The following CUX1 variants were observed in gnomAD, a reference collection of about 807,000 sequenced individuals.
CUX1 encodes cut like homeobox 1.
Under a neutral mutation model 158.8 loss-of-function variants are expected in CUX1, and 31 were observed. The ratio of observed to expected loss-of-function variants is 0.20; its 90% confidence interval spans 0.15 to 0.26. The LOEUF is 0.26. CUX1 is among the 10% of genes least tolerant of loss of function. The probability of loss-of-function intolerance (pLI) is 1.00; values close to 1 mark genes in which losing one functional copy is unlikely to be tolerated. For missense variants in CUX1, 1,589 were observed against 2,014.6 expected (o/e 0.79, Z 4.04); for synonymous variants, 879 against 862.1 (o/e 1.02, Z -0.34).
intron 1 of CUX1, among the ~76,000 whole-genome samples, chr7:101,910,502 A>T (rs1225104302): frequency 6.6e-6 from 1 of 152,046 alleles, no homozygotes; most frequent in African/African-American, 2.4e-5. Context: ...TATGCCTGTA[A>T]TTCCGCACTT....
intron 2 of CUX1, among the ~76,000 whole-genome samples, chr7:101,966,425 C>A (rs943401311): frequency 1.3e-5 from 2 of 151,808 alleles, no homozygotes; most frequent in African/African-American, 4.8e-5. Context: ...ACAAGCCTGG[C>A]CGAGAGTTGA....
chr7:102,279,979 C>T (rs1199459512), intron 18 of CUX1: 14 of 1,160,080 alleles, frequency 1.2e-5, no homozygotes, highest in Non-Finnish European at 1.8e-5. Context: ...TGGGCTCCTG[C>T]CCTTCCCGCT....
At chr7:101,967,023 T>C (rs1563071395) in intron 2 of CUX1, among the ~76,000 whole-genome samples, 1 of 151,858 alleles carries the variant, frequency 6.6e-6, no homozygotes, top group African/African-American at 2.4e-5. Context: ...TATTTTATTT[T>C]ATTTTGGTGA....
downstream of CUX1, among the ~76,000 whole-genome samples, chr7:102,258,879 A>G (rs1790167626): frequency 6.6e-6 from 1 of 152,096 alleles, no homozygotes; most frequent in Non-Finnish European, 1.5e-5. Context: ...TACTGAGAAG[A>G]GTCTCTTTCC....
At chr7:102,192,704 C>T (rs1205080535) in intron 12 of CUX1, among the ~76,000 whole-genome samples, 1 of 152,140 alleles carries the variant, frequency 6.6e-6, no homozygotes, top group Non-Finnish European at 1.5e-5. Context: ...ATTGTGGCTG[C>T]AGGAACATGG....
In CUX1 at chr7:102,256,643, T is replaced by G; in HGVS notation, c.*7601T>G. On this transcript the variant is annotated 3_prime_UTR_variant, in exon 24 of 24. Coordinates refer to ENST00000292535, the MANE Select transcript of CUX1 (RefSeq NM_181552.4). ...AAAAATTTACCAACGTGTGAGGGAG[T>G]TGCTGAGTTGAAGAATGCTCGCTTG... The G allele has an allele frequency of 2.0e-6, 2 of 985,174 alleles. No individual in the cohort carries two copies. Among genetic ancestry groups the G allele is most frequent in the Non-Finnish European group, 2.4e-6 (2 of 829,902 alleles). 61.0% of individuals were successfully genotyped at this position (985,174 alleles called of 1,614,324 possible).
Position 102,193,985 on chromosome 7 carries a change from G to A in CUX1, c.1125+95G>A, listed in dbSNP as rs372938708. On this transcript the variant is annotated intron_variant, in intron 13 of 23. Transcript: ENST00000292535. ...ATATCCCATGATCCACTGTTTCTACGAGACCTCTCACTTACAGCCGATGAG... is the reference window on the plus strand; with the variant it reads ...ATATCCCATGATCCACTGTTTCTACAAGACCTCTCACTTACAGCCGATGAG... 6.5e-4 allele frequency: 793 copies of A among 1,219,918 alleles called. 4 individuals carry two copies. The East Asian group carries it at 0.016, about 24-fold the overall frequency. 75.6% of individuals were successfully genotyped at this position (1,219,918 alleles called of 1,614,324 possible).
chr7:102,248,727 C>G lies in CUX1; in HGVS notation c.4203C>G (p.Pro1401=). ...GAGGCCCCGTGGAAGGCCCGGGGCC[C>G]CTGCCCAGCCCCGCCTCCGCGACCG... The part of the protein sequence containing the change: ...HEGGPVEGPG[P]LPSPASATAT... Residue 1401 remains proline, a synonymous_variant, in exon 24 of 24, where the codon CCC becomes CCG. Transcript: ENST00000292535. This position sits in a 1 kb window ranked among gnomAD's most constrained non-coding sequence, Gnocchi z 5.8. 8.9e-7 allele frequency: 1 copy of G among 1,124,816 alleles called. No homozygotes were observed. Among genetic ancestry groups the G allele is most frequent in the Non-Finnish European group, 1.1e-6 (1 of 918,376 alleles). 69.7% of individuals were successfully genotyped at this position (1,124,816 alleles called of 1,614,324 possible).
At position 102,250,085 on chromosome 7, in the gene CUX1, G is replaced by A. The variant is rs1185822501; in HGVS notation, c.*1043G>A. 7 of 984,328 alleles carry A rather than the reference G, an allele frequency of 7.1e-6. No individual in the cohort carries two copies. Among genetic ancestry groups the A allele is most frequent in the East Asian group, 1.1e-4 (1 of 8,812 alleles). The allele number at this position is 984,328 out of a possible 1,614,324, so 61.0% of individuals were successfully genotyped here. On this transcript the variant is annotated 3_prime_UTR_variant, in exon 24 of 24. Coordinates refer to ENST00000292535, the MANE Select transcript of CUX1 (RefSeq NM_181552.4). Reference sequence around the variant, plus strand: ...AAGAAAAAAAAAAAAGAAAAGATCCGAATCTAGGTATTTTATAATCTGCTT... The same window carrying A: ...AAGAAAAAAAAAAAAGAAAAGATCCAAATCTAGGTATTTTATAATCTGCTT...
intron 2 of CUX1, among the ~76,000 whole-genome samples, chr7:101,922,880 C>G (rs1016761137): frequency 1.3e-5 from 2 of 152,244 alleles, no homozygotes; most frequent in African/African-American, 4.8e-5. Context: ...CAGGAGGGAG[C>G]AGCAGCAGCT....
Position 102,227,123 on chromosome 7 carries a change from C to T in CUX1, c.3131-244C>T, listed in dbSNP as rs575592655. ...CAGAATGCCCTCATGTTAAGCCTTC[C>T]GAAGCCTTTCTTTTAAACCCCTAGT... On this transcript the variant is annotated intron_variant, in intron 20 of 23. Transcript: ENST00000292535. Among the ~76,000 whole-genome samples, 20 of 152,128 alleles carry T rather than the reference C, an allele frequency of 1.3e-4. No homozygotes were observed. In the East Asian group the frequency reaches 1.9e-3, roughly 15 times the overall value.
chr7:102,216,540 A>ACC (rs1797087204), intron 20 of CUX1, among the ~76,000 whole-genome samples: 1 of 77,932 alleles, frequency 1.3e-5, no homozygotes, highest in African/African-American at 4.6e-5. Flanking sequence ...CCCCCCACAC[A>ACC]CACACACCCA....
chr7:101,946,869 GAC>G (rs1471527407), intron 2 of CUX1, among the ~76,000 whole-genome samples: 3 of 152,154 alleles, frequency 2.0e-5, no homozygotes, highest in African/African-American at 7.2e-5. Context: ...GGGCTCAGGG[GAC>G]AATGTTAAGT....
In CUX1 at chr7:102,252,721, C is replaced by A. The variant is rs1044577365; in HGVS notation, c.*3679C>A. Reference sequence around the variant, plus strand: ...CTCACTTCCACCCCAGAGGAGTCTTCTGTCCTCCTCCCCAACCCCCGAGCT... The same window carrying A: ...CTCACTTCCACCCCAGAGGAGTCTTATGTCCTCCTCCCCAACCCCCGAGCT... On this transcript the variant is annotated 3_prime_UTR_variant, in exon 24 of 24. Transcript: ENST00000292535. 6 of 985,364 alleles carry A rather than the reference C, an allele frequency of 6.1e-6. No homozygotes were observed. The Admixed American group carries it at 1.8e-4, about 30-fold the overall frequency. The allele number at this position is 985,364 out of a possible 1,614,324, so 61.0% of individuals were successfully genotyped here.
chr7:102,012,025 T>C (rs202142), intron 2 of CUX1, among the ~76,000 whole-genome samples: 62,150 of 151,774 alleles, frequency 0.41, 13,968 homozygotes, highest in East Asian at 0.96. Context: ...GCCATGCTGG[T>C]TGACGCTTGA....
intron 3 of CUX1, among the ~76,000 whole-genome samples, chr7:102,041,857 C>T (rs1194594090): frequency 1.3e-5 from 2 of 151,790 alleles, no homozygotes; most frequent in Non-Finnish European, 2.9e-5. Flanking sequence ...TTAGTAGAGA[C>T]GGGATTTTGC....
chr7:101,821,671 C>CTTTTTTTTT (rs58793343), intron 1 of CUX1, among the ~76,000 whole-genome samples: 1,471 of 51,312 alleles, frequency 0.029, 202 homozygotes, highest in Non-Finnish European at 0.033. Context: ...TTTCTTTTTT[C>CTTTTTTTTT]TTTTTTTTTT....
chr7:102,280,634 G>A (rs536918309), intron 19 of CUX1, among the ~76,000 whole-genome samples: 2 of 152,102 alleles, frequency 1.3e-5, no homozygotes, highest in Admixed American at 6.5e-5. Context: ...ATGTCACACT[G>A]AGTAGACTGT....
intron 7 of CUX1, 24 bp downstream of exon 7, chr7:102,111,798 C>A: frequency 6.2e-7 from 1 of 1,605,800 alleles, no homozygotes; most frequent in South Asian, 1.1e-5. Flanking sequence ...CTTCCTAGTA[C>A]CATGGATGTG....
Sources: allele counts gnomAD v4.1 joint callset (sites outside exome capture counted in the v4.1 genomes callset), GRCh38; gene constraint gnomAD v4.1.1; non-coding constraint Gnocchi (gnomAD v3.1); transcripts MANE v1.5; gene names NCBI Gene and HGNC (gene_info 2026-07-23, HGNC 2026-07-21).